The following SLC25A26 variants were observed in gnomAD, a reference collection of about 807,000 sequenced individuals.
SLC25A26 encodes mitochondrial S-adenosylmethionine carrier protein.
Under a neutral mutation model 37.8 loss-of-function variants are expected in SLC25A26, and 36 were observed. That is an observed-to-expected ratio of 0.95 (90% CI 0.73 to 1.26). The LOEUF (loss-of-function observed/expected upper bound fraction) is 1.26. Among genes scored for constraint, SLC25A26 ranks in the 50% most tolerant of loss-of-function variants. SLC25A26 has a pLI of 0.00. For missense variants in SLC25A26, 390 were observed against 331.1 expected (o/e 1.18, Z -1.38); for synonymous variants, 129 against 122.5 (o/e 1.05, Z -0.35).
intron 1 of SLC25A26, among the ~76,000 whole-genome samples, chr3:66,176,015 TA>T (rs370198675): frequency 0.22 from 33,600 of 151,168 alleles, 4,045 homozygotes; most frequent in Admixed American, 0.35. Flanking sequence ...GTTGTTAAAT[TA>T]AAAAAAAAAT....
intron 1 of SLC25A26, among the ~76,000 whole-genome samples, chr3:66,168,798 C>T (rs973407366): frequency 1.3e-5 from 2 of 152,150 alleles, no homozygotes; most frequent in Non-Finnish European, 2.9e-5. Context: ...GATCGATAGC[C>T]ATGCAGGTTT....
At chr3:66,182,462 G>A (rs1029630953) in intron 1 of SLC25A26, among the ~76,000 whole-genome samples, 5 of 152,070 alleles carry the variant, frequency 3.3e-5, no homozygotes, top group African/African-American at 9.7e-5. Context: ...GATCATCACC[G>A]TGTATTTTTA....
At chr3:66,253,144 A>C (rs959184906) in intron 3 of SLC25A26, among the ~76,000 whole-genome samples, 10 of 151,214 alleles carry the variant, frequency 6.6e-5, no homozygotes, top group Non-Finnish European at 1.5e-4. Flanking sequence ...GCAGTGGCTC[A>C]TGCCTGTAAT....
chr3:66,263,209 A>G (rs866532064), intron 4 of SLC25A26, 123 bp from the exon 5 acceptor site: 20 of 709,236 alleles, frequency 2.8e-5, no homozygotes, highest in Middle Eastern at 2.4e-4. Context: ...AACCTCTTAG[A>G]GAAGTGTGGC....
intron 1 of SLC25A26, among the ~76,000 whole-genome samples, chr3:66,144,484 C>T (rs1217491352): frequency 6.6e-6 from 1 of 152,136 alleles, no homozygotes; most frequent in African/African-American, 2.4e-5. Context: ...CCACTGGGTA[C>T]AATTTATTTT....
chr3:66,290,899 C>T (rs1056303311), intron 5 of SLC25A26, among the ~76,000 whole-genome samples: 1 of 152,140 alleles, frequency 6.6e-6, no homozygotes, highest in Non-Finnish European at 1.5e-5. Context: ...GTACCAGCTC[C>T]TCTTTGTACC....
chr3:66,212,200 C>T (rs937458952), intron 1 of SLC25A26, among the ~76,000 whole-genome samples: 2 of 152,130 alleles, frequency 1.3e-5, no homozygotes, highest in Non-Finnish European at 2.9e-5. Context: ...CAGCCTGAAA[C>T]TCCTGGGCTC....
At chr3:66,319,499 C>T in intron 5 of SLC25A26, among the ~76,000 whole-genome samples, 1 of 152,046 alleles carries the variant, frequency 6.6e-6, no homozygotes. Flanking sequence ...ACCTTTGAAA[C>T]AGAGTTGCTT....
At chr3:66,314,234 A>C (rs1329078922) in intron 5 of SLC25A26, among the ~76,000 whole-genome samples, 1 of 152,206 alleles carries the variant, frequency 6.6e-6, no homozygotes, top group Non-Finnish European at 1.5e-5. Context: ...TTGCCCATTC[A>C]GTATGATACG....
chr3:66,191,408 C>T (rs1019914316), intron 1 of SLC25A26, among the ~76,000 whole-genome samples: 49 of 151,726 alleles, frequency 3.2e-4, no homozygotes, highest in African/African-American at 1.0e-3. Flanking sequence ...CAGACACACA[C>T]GCACACAGAA....
intron 1 of SLC25A26, among the ~76,000 whole-genome samples, chr3:66,149,185 A>G (rs543313947): frequency 6.6e-6 from 1 of 152,256 alleles, no homozygotes; most frequent in South Asian, 2.1e-4. Context: ...TGGACTCTAG[A>G]AAATAAAGTA....
intron 1 of SLC25A26, among the ~76,000 whole-genome samples, chr3:66,175,434 G>A (rs1457312759): frequency 2.0e-5 from 3 of 151,780 alleles, no homozygotes; most frequent in Admixed American, 1.3e-4. Flanking sequence ...CATGTTGCCC[G>A]GGCTCGTCTC....
At chr3:66,244,205 A>G (rs1029286927) in intron 3 of SLC25A26, among the ~76,000 whole-genome samples, 1 of 152,228 alleles carries the variant, frequency 6.6e-6, no homozygotes, top group Admixed American at 6.5e-5. Context: ...AATAATATTA[A>G]TATTAGGAAA....
chr3:66,197,267 G>T (rs2071056929), intron 1 of SLC25A26, among the ~76,000 whole-genome samples: 1 of 152,256 alleles, frequency 6.6e-6, no homozygotes, highest in South Asian at 2.1e-4. Flanking sequence ...GTCAGATTCA[G>T]GGTGAAGGTC....
intron 1 of SLC25A26, among the ~76,000 whole-genome samples, chr3:66,196,705 T>TG (rs2071048640): frequency 6.6e-6 from 1 of 151,868 alleles, no homozygotes; most frequent in South Asian, 2.1e-4. Flanking sequence ...GCAATAACTT[T>TG]AAAAAAACTA....
chr3:66,227,314 T>G (rs1300562639), intron 1 of SLC25A26, among the ~76,000 whole-genome samples: 1 of 152,260 alleles, frequency 6.6e-6, no homozygotes, highest in Non-Finnish European at 1.5e-5. Flanking sequence ...TTATGTCTGA[T>G]TTTTGTTTAA....
intron 1 of SLC25A26, among the ~76,000 whole-genome samples, chr3:66,208,808 G>T (rs2071219439): frequency 1.8e-5 from 1 of 57,062 alleles, no homozygotes; most frequent in Admixed American, 2.0e-4. Context: ...ACCTTTACAT[G>T]GGTATATATA....
At chr3:66,289,671 G>T (rs568174201) in intron 5 of SLC25A26, among the ~76,000 whole-genome samples, 7 of 152,130 alleles carry the variant, frequency 4.6e-5, no homozygotes, top group Admixed American at 1.3e-4. Context: ...CTGTCCCTTG[G>T]GTTTGTATAT....
intron 1 of SLC25A26, among the ~76,000 whole-genome samples, chr3:66,188,594 G>A (rs1046082338): frequency 0.011 from 1,638 of 152,244 alleles, 30 homozygotes; most frequent in African/African-American, 0.037. Flanking sequence ...TATGAGTGGA[G>A]GCAGCCTGAG....
Sources: gnomAD v4.1 joint callset for allele counts (sites outside exome capture counted in the v4.1 genomes callset) on GRCh38, gnomAD v4.1.1 for gene constraint, MANE v1.5 for transcripts, NCBI Gene and HGNC (gene_info 2026-07-23, HGNC 2026-07-21) for gene names.